The following ITPR2 variants were observed in gnomAD, a reference collection of about 807,000 sequenced individuals.
ITPR2 encodes inositol 1,4,5-trisphosphate receptor type 2, also known as inositol 1,4,5-trisphosphate-gated calcium channel ITPR2.
ITPR2 carries 207 observed loss-of-function variants against 317.1 expected under a neutral mutation model. The observed-to-expected ratio is 0.65, with a 90% confidence interval of 0.58 to 0.73. The LOEUF is 0.73. Ranked by LOEUF, ITPR2 falls within the 30% of genes least tolerant of loss-of-function variation. The probability of loss-of-function intolerance (pLI) is 0.00; values close to 1 mark genes in which losing one functional copy is unlikely to be tolerated. For missense variants in ITPR2, 2,613 were observed against 3,284.0 expected (o/e 0.80, Z 4.99); for synonymous variants, 1,156 against 1,149.1 (o/e 1.01, Z -0.12).
rs1478448953 is a variant in ITPR2 at position 26,404,601 on chromosome 12, AGG to A, written c.7400-4345_7400-4344del. Among the ~76,000 whole-genome samples, 7 of 152,286 alleles carry A rather than the reference AGG, an allele frequency of 4.6e-5. No homozygotes were observed. The East Asian group carries it at 1.4e-3, about 29-fold the overall frequency. On this transcript the variant is annotated intron_variant, in intron 52 of 56. Transcript: ENST00000381340. ...AGAGAAAAAGCAGTGCAGAAATTAA[AGG>A]AGAGAGGGTCGGTCAACTGTTTTAT... is the stretch of plus-strand genomic sequence containing the variant.
intron 39 of ITPR2, 95 bp from the exon 40 acceptor site, chr12:26,487,346 C>T (rs1390046842): frequency 8.7e-6 from 7 of 805,096 alleles, no homozygotes; most frequent in Non-Finnish European, 1.4e-5. Context: ...GGCAAAAGCA[C>T]ACACTTAATG....
At chr12:26,540,340 T>C (rs898750004) in intron 37 of ITPR2, among the ~76,000 whole-genome samples, 2 of 152,244 alleles carry the variant, frequency 1.3e-5, no homozygotes, top group Non-Finnish European at 2.9e-5. Context: ...GGGAAATACT[T>C]CCTGGAAAAG....
intron 55 of ITPR2, among the ~76,000 whole-genome samples, chr12:26,361,912 G>A (rs1404309539): frequency 6.6e-6 from 1 of 152,186 alleles, no homozygotes; most frequent in Non-Finnish European, 1.5e-5. Flanking sequence ...TTTGTAGAAT[G>A]ATAGTAGCTG....
Position 26,832,999 on chromosome 12 carries a change from C to T in ITPR2, c.-218G>A. On this transcript the variant is annotated 5_prime_UTR_variant, in exon 1 of 57. Coordinates refer to ENST00000381340, the MANE Select transcript of ITPR2 (RefSeq NM_002223.4). ...GGCCAAGCCGCAGCTGCGGACACCC[C>T]GCGAAGAGCGCAGCCCAGGCGCCCA... The T allele has an allele frequency of 3.9e-6, 2 of 508,634 alleles. No homozygotes were observed. Among genetic ancestry groups the T allele is most frequent in the Non-Finnish European group, 6.8e-6 (2 of 293,460 alleles). 31.5% of individuals were successfully genotyped at this position (508,634 alleles called of 1,614,324 possible). A position where few individuals can be genotyped will look rare whatever the true frequency, so the allele number is the denominator to read the frequency against.
chr12:26,595,756 A>T (rs975107093), intron 31 of ITPR2, among the ~76,000 whole-genome samples, 166 bp from the exon 32 acceptor site: 2 of 152,184 alleles, frequency 1.3e-5, no homozygotes, highest in African/African-American at 2.4e-5. Flanking sequence ...CTAACAGTCC[A>T]CTGACCTAAG....
At chr12:26,435,600 T>C (rs1941332439) in intron 48 of ITPR2, among the ~76,000 whole-genome samples, 1 of 152,220 alleles carries the variant, frequency 6.6e-6, no homozygotes, top group South Asian at 2.1e-4. Context: ...ATTTCTCCTA[T>C]ATTTCTCATT....
Position 26,405,226 on chromosome 12 carries a change from T to TA in ITPR2, c.7400-4969dup, listed in dbSNP as rs371253490. 5.3e-3 allele frequency among the ~76,000 whole-genome samples: 807 copies of TA among 151,640 alleles called. 8 individuals are homozygous for TA. The highest frequency in any genetic ancestry group is 0.019 in the African/African-American group (774 of 41,378). ...AACAAAAGTAAAGAATTAGTGAAAA[T>TA]AGACTTTTAATGTGGAGACATTTAA... On this transcript the variant is annotated intron_variant, in intron 52 of 56. Coordinates refer to ENST00000381340, the MANE Select transcript of ITPR2 (RefSeq NM_002223.4).
intron 37 of ITPR2, among the ~76,000 whole-genome samples, chr12:26,547,997 T>C (rs1944430229): frequency 1.3e-5 from 2 of 152,170 alleles, no homozygotes; most frequent in African/African-American, 4.8e-5. Context: ...AATTTAAACT[T>C]TGGTTCTAGC....
chr12:26,596,734 C>A, intron 31 of ITPR2, 149 bp downstream of exon 31: 16 of 448,742 alleles, frequency 3.6e-5, no homozygotes, highest in Admixed American at 8.8e-5. Context: ...TGCTCTTTTA[C>A]ATTTTCCAAA....
At chr12:26,465,131 G>T (rs146376958) in intron 45 of ITPR2, among the ~76,000 whole-genome samples, 45 of 152,326 alleles carry the variant, frequency 3.0e-4, no homozygotes, top group African/African-American at 1.0e-3. Flanking sequence ...GAGATCCATG[G>T]AATGGTTCTG....
At chr12:26,592,995 A>G (rs1027164496) in intron 32 of ITPR2, among the ~76,000 whole-genome samples, 3 of 152,234 alleles carry the variant, frequency 2.0e-5, no homozygotes, top group African/African-American at 7.2e-5. Context: ...CCTATGGGGA[A>G]TGTGAATTTA....
At chr12:26,390,602 G>C (rs965879635) in intron 54 of ITPR2, among the ~76,000 whole-genome samples, 10 of 152,176 alleles carry the variant, frequency 6.6e-5, no homozygotes, top group Admixed American at 1.3e-4. Flanking sequence ...TTAGGGATCA[G>C]ATGATGGCTA....
chr12:26,807,157 C>A (rs1373790326), intron 1 of ITPR2, among the ~76,000 whole-genome samples: 1 of 151,668 alleles, frequency 6.6e-6, no homozygotes, highest in Non-Finnish European at 1.5e-5. Flanking sequence ...CCACTGCACT[C>A]CGGCCTGGGT....
chr12:26,793,783 T>C (rs1010696061), intron 1 of ITPR2, among the ~76,000 whole-genome samples: 3 of 152,156 alleles, frequency 2.0e-5, no homozygotes, highest in African/African-American at 7.2e-5. Flanking sequence ...AGTCAACTAA[T>C]AGGAGACGAA....
rs1284401480 is a variant in ITPR2, at chr12:26,804,733, T to TTTTA, written c.93-14510_93-14507dup. 2.6e-5 allele frequency among the ~76,000 whole-genome samples: 4 copies of TTTTA among 152,030 alleles called. No homozygotes were observed. The East Asian group carries it at 7.7e-4, about 29-fold the overall frequency. ...TAAAACAGACTCTTATTTATTTTAT[T>TTTTA]TTTATTTATTTATTTATTTTGAGAC... On this transcript the variant is annotated intron_variant, in intron 1 of 56. Coordinates refer to ENST00000381340, the MANE Select transcript of ITPR2 (RefSeq NM_002223.4).
chr12:26,477,109 C>G (rs1159140410), intron 43 of ITPR2, 102 bp from the exon 44 acceptor site: 1 of 667,660 alleles, frequency 1.5e-6, no homozygotes, highest in Admixed American at 2.9e-5. Context: ...CTTTTTTAAT[C>G]AAACGGAATT....
At chr12:26,380,967 A>C (rs1384830476) in intron 55 of ITPR2, among the ~76,000 whole-genome samples, 1 of 152,202 alleles carries the variant, frequency 6.6e-6, no homozygotes, top group Non-Finnish European at 1.5e-5. Flanking sequence ...CTTTCTTTTT[A>C]AGGTCTTAAC....
At chr12:26,381,986 C>G (rs931221414) in intron 55 of ITPR2, among the ~76,000 whole-genome samples, 5 of 152,098 alleles carry the variant, frequency 3.3e-5, no homozygotes, top group African/African-American at 1.2e-4. Context: ...ATCTAAAAGT[C>G]TTGGGTATTT....
At chr12:26,451,885 T>C (rs1941750843) in intron 45 of ITPR2, among the ~76,000 whole-genome samples, 1 of 152,228 alleles carries the variant, frequency 6.6e-6, no homozygotes, top group Non-Finnish European at 1.5e-5. Flanking sequence ...GTAAGCATGC[T>C]ATCTTTGTAC....
Sources: allele counts gnomAD v4.1 joint callset (sites outside exome capture counted in the v4.1 genomes callset), GRCh38; gene constraint gnomAD v4.1.1; transcripts MANE v1.5; gene names NCBI Gene and HGNC (gene_info 2026-07-23, HGNC 2026-07-21).